Variants in ACAP2 observed in about 807,000 individuals in gnomAD.
ACAP2 encodes the protein arf-GAP with coiled-coil, ANK repeat and PH domain-containing protein 2.
In ACAP2, 39 loss-of-function variants were observed where a neutral mutation model predicts 115.8. The observed-to-expected ratio is 0.34, with a 90% CI of 0.26 to 0.44. The LOEUF is 0.44. Among genes scored for constraint, ACAP2 ranks in the 20% least tolerant of loss-of-function variants. The probability of loss-of-function intolerance (pLI) is 1.00; values close to 1 mark genes in which losing one functional copy is unlikely to be tolerated. For missense variants in ACAP2, 662 were observed against 927.6 expected (o/e 0.71, Z 3.72); for synonymous variants, 289 against 315.8 (o/e 0.92, Z 0.90).
At chr3:195,323,126 C>T (rs1180498522) in intron 9 of ACAP2, among the ~76,000 whole-genome samples, 2 of 152,112 alleles carry the variant, frequency 1.3e-5, no homozygotes, top group Non-Finnish European at 2.9e-5. Flanking sequence ...AAAACCAAGG[C>T]TGGTCAAAGG....
At chr3:195,279,685 CAAGT>C in intron 22 of ACAP2, 1 of 276,238 alleles carries the variant, frequency 3.6e-6, no homozygotes, top group Non-Finnish European at 6.6e-6. Context: ...AGCAAAGATG[CAAGT>C]GTTTTAAAGC....
intron 1 of ACAP2, among the ~76,000 whole-genome samples, chr3:195,421,528 T>C (rs1714189570): frequency 6.6e-6 from 1 of 152,180 alleles, no homozygotes; most frequent in African/African-American, 2.4e-5. Context: ...AGAGATGCCA[T>C]TGTTTGTATT....
At chr3:195,339,896 C>G (rs1053854969) in intron 6 of ACAP2, among the ~76,000 whole-genome samples, 4 of 151,704 alleles carry the variant, frequency 2.6e-5, no homozygotes, top group Non-Finnish European at 4.4e-5. Flanking sequence ...GGACTAGAGG[C>G]TAGGGATACA....
chr3:195,380,417 T>TA (rs1401203198), intron 4 of ACAP2, among the ~76,000 whole-genome samples: 4 of 152,284 alleles, frequency 2.6e-5, no homozygotes, highest in Admixed American at 2.6e-4. Flanking sequence ...TTAAGCTTTT[T>TA]AAAAAATATA....
intron 10 of ACAP2, among the ~76,000 whole-genome samples, chr3:195,313,440 G>C (rs1242846659): frequency 6.6e-6 from 1 of 152,180 alleles, no homozygotes; most frequent in Non-Finnish European, 1.5e-5. Flanking sequence ...CATAAAGAAA[G>C]TAGGTTCACT....
intron 17 of ACAP2, 96 bp from the exon 18 acceptor site, chr3:195,294,907 A>T: frequency 1.4e-6 from 1 of 694,412 alleles, no homozygotes; most frequent in Non-Finnish European, 2.5e-6. Flanking sequence ...TTACACATCA[A>T]CATGAACTCA....
intron 13 of ACAP2, among the ~76,000 whole-genome samples, chr3:195,303,619 A>G (rs1172156337): frequency 6.6e-6 from 1 of 152,084 alleles, no homozygotes; most frequent in Admixed American, 6.5e-5. Context: ...ATACAAACAA[A>G]TAAGCTAGAC....
At position 195,302,262 on chromosome 3, in the gene ACAP2, A is replaced by G; in HGVS notation, c.1117-88T>C. 3 of 1,223,502 alleles carry G rather than the reference A, an allele frequency of 2.5e-6. No individual in the cohort carries two copies. The South Asian group carries it at 4.5e-5, about 18-fold the overall frequency. 75.8% of individuals were successfully genotyped at this position (1,223,502 alleles called of 1,614,324 possible). On this transcript the variant is annotated intron_variant, in intron 13 of 22. Coordinates refer to ENST00000326793, the MANE Select transcript of ACAP2 (RefSeq NM_012287.6). ...CTACATGCTCCAAACTAAAGCTTCC[A>G]ATCAATAAATTAAAGGCCTGTTACA...
chr3:195,381,142 C>G, intron 3 of ACAP2, 80 bp from the exon 4 acceptor site: 2 of 1,017,704 alleles, frequency 2.0e-6, no homozygotes, highest in South Asian at 3.0e-5. Context: ...CTCAGAATTT[C>G]TGACAGAAGA....
In ACAP2 at chr3:195,403,414, C is replaced by G. The variant is rs528897447; in HGVS notation, c.54-11267G>C. On this transcript the variant is annotated intron_variant, in intron 1 of 22. Coordinates refer to ENST00000326793, the MANE Select transcript of ACAP2 (RefSeq NM_012287.6). ...GTAAAGTATTTTGTCAAGACTCATT[C>G]TGGCTGCTACGTGGAGAAGACTGCA... 3.9e-5 allele frequency among the ~76,000 whole-genome samples: 6 copies of G among 152,334 alleles called. No individual in the cohort carries two copies. In the East Asian group the frequency reaches 9.6e-4, roughly 24 times the overall value.
At position 195,337,041 on chromosome 3, in the gene ACAP2, T is replaced by C. The variant is rs535950303; in HGVS notation, c.529-65A>G. The C allele has an allele frequency of 1.4e-5, 20 of 1,381,596 alleles. No homozygotes were observed. The African/African-American group carries it at 2.2e-4, about 15-fold the overall frequency. The allele number at this position is 1,381,596 out of a possible 1,614,324, so 85.6% of individuals were successfully genotyped here. A position where few individuals can be genotyped will look rare whatever the true frequency, so the allele number is the denominator to read the frequency against. On this transcript the variant is annotated intron_variant, in intron 6 of 22. Transcript: ENST00000326793. ...TTTAAAGCTAATCCATAATGCAATA[T>C]TGTAAAGCTTATTTTAATGGTTTAA...
At position 195,381,050 on chromosome 3, in the gene ACAP2, T is replaced by C. The variant is rs1733909518; in HGVS notation, c.244A>G (p.Lys82Glu). The change falls in exon 4 of 23, where the codon AAG becomes GAG. Residue 82 changes from lysine to glutamate, a missense_variant. Around this residue, in one of 3 missense-constraint regions of ACAP2, gnomAD observed 401 missense variants for 604.4 expected, o/e 0.66. Transcript: ENST00000326793. ...NDAVVETSLT[K>E]FSDSLQEMIN... ...ATTTCTTGAAGACTGTCAGAAAACTTGGTCAAACTTGTCTATGAGAAAAAA... is the reference window on the plus strand; with the variant it reads ...ATTTCTTGAAGACTGTCAGAAAACTCGGTCAAACTTGTCTATGAGAAAAAA... The C allele has an allele frequency of 6.2e-7, 1 of 1,601,906 alleles. No individual in the cohort carries two copies. Among genetic ancestry groups the C allele is most frequent in the South Asian group, 1.1e-5 (1 of 87,984 alleles).
intron 7 of ACAP2, among the ~76,000 whole-genome samples, chr3:195,335,635 G>A (rs561882259): frequency 1.1e-4 from 16 of 152,044 alleles, no homozygotes; most frequent in South Asian, 6.2e-4. Context: ...TGTCAATCTC[G>A]AAAACAAGTG....
At chr3:195,392,263 T>G in intron 1 of ACAP2, 116 bp from the exon 2 acceptor site, 1 of 768,258 alleles carries the variant, frequency 1.3e-6, no homozygotes, top group Non-Finnish European at 2.1e-6. Flanking sequence ...ACACTTCACA[T>G]GAAGTAATAA....
At chr3:195,309,033 C>T (rs1728591448) in intron 10 of ACAP2, among the ~76,000 whole-genome samples, 196 bp from the exon 11 acceptor site, 1 of 152,060 alleles carries the variant, frequency 6.6e-6, no homozygotes, top group East Asian at 1.9e-4. Context: ...TTTAAAACCA[C>T]AGGTTAGGAA....
chr3:195,298,246 TCTC>T (rs1203569221), intron 15 of ACAP2, among the ~76,000 whole-genome samples: 5 of 130,664 alleles, frequency 3.8e-5, no homozygotes, highest in Non-Finnish European at 7.9e-5. Flanking sequence ...TTTCCCTTTC[TCTC>T]CTCTTTTTTT....
chr3:195,383,376 C>T (rs1479616161), intron 2 of ACAP2, among the ~76,000 whole-genome samples: 1 of 151,822 alleles, frequency 6.6e-6, no homozygotes, highest in Non-Finnish European at 1.5e-5. Context: ...AAAACAGATA[C>T]AAATATGCCA....
chr3:195,298,922 C>T (rs533507116), intron 15 of ACAP2, among the ~76,000 whole-genome samples: 6 of 152,294 alleles, frequency 3.9e-5, no homozygotes, highest in Non-Finnish European at 7.4e-5. Context: ...TCAGCCACTG[C>T]GCCCAGCCTT....
At chr3:195,436,474 C>G (rs1577483469) in intron 1 of ACAP2, among the ~76,000 whole-genome samples, 1 of 151,980 alleles carries the variant, frequency 6.6e-6, no homozygotes, top group Admixed American at 6.6e-5. Context: ...GTCTTAAAGT[C>G]TATTTTATCT....
Sources: gnomAD v4.1 joint callset for allele counts (sites outside exome capture counted in the v4.1 genomes callset) on GRCh38, gnomAD v4.1.1 for gene constraint, gnomAD v4.1.1 regional missense constraint, MANE v1.5 for transcripts, NCBI Gene and HGNC (gene_info 2026-07-23, HGNC 2026-07-21) for gene names.